The following IL21R variants were observed in gnomAD, a reference collection of about 807,000 sequenced individuals.
IL21R encodes interleukin-21 receptor.
Under a neutral mutation model 41.3 loss-of-function variants are expected in IL21R, and 14 were observed. That is an observed-to-expected ratio of 0.34 (90% CI 0.22 to 0.53). IL21R has a LOEUF of 0.53. IL21R is among the 20% of genes least tolerant of loss of function. The probability of loss-of-function intolerance (pLI) is 0.94; values close to 1 mark genes in which losing one functional copy is unlikely to be tolerated. For missense variants in IL21R, 588 were observed against 681.6 expected (o/e 0.86, Z 1.53); for synonymous variants, 286 against 287.6 (o/e 0.99, Z 0.05).
chr16:27,435,042 C>T (rs1384134848), intron 3 of IL21R, among the ~76,000 whole-genome samples: 1 of 152,152 alleles, frequency 6.6e-6, no homozygotes, highest in African/African-American at 2.4e-5. Context: ...GAAGGAGGAT[C>T]ACTTGAGCCC....
At chr16:27,439,325 T>C (rs2087332732) in intron 4 of IL21R, among the ~76,000 whole-genome samples, 1 of 151,210 alleles carries the variant, frequency 6.6e-6, no homozygotes, top group Admixed American at 6.6e-5. Context: ...CTCTCTCTCT[T>C]GCTCTCTCTC....
chr16:27,430,105 C>T lies in IL21R; in HGVS notation c.34C>T (p.Leu12=). 6.2e-7 allele frequency: 1 copy of T among 1,604,856 alleles called. No homozygotes were observed. The highest frequency in any genetic ancestry group is 8.5e-7 in the Non-Finnish European group (1 of 1,179,778). The part of the protein sequence containing the change: ...PRGWAAPLLL[L]LLQGGWGCPD... The stretch of plus-strand genomic sequence containing the variant: ...TGGCTGGGCCGCCCCCTTGCTCCTG[C>T]TGCTGCTCCAGGGAGGTAAGTGGCT... The change falls in exon 2 of 9, where the codon CTG becomes TTG. Residue 12 remains leucine, a synonymous_variant. Transcript: ENST00000337929.
intron 2 of IL21R, 44 bp from the exon 3 acceptor site, chr16:27,434,303 C>A: frequency 7.6e-7 from 1 of 1,311,518 alleles, no homozygotes; most frequent in Non-Finnish European, 1.1e-6. Flanking sequence ...TCTGCAGTCC[C>A]AAGCCACCCC....
intron 1 of IL21R, chr16:27,402,995 GA>G: frequency 2.4e-6 from 1 of 414,612 alleles, no homozygotes; most frequent in Non-Finnish European, 4.9e-6. Context: ...AGCCTGATGG[GA>G]CCCATTCTGT....
chr16:27,443,045 G>A lies in IL21R; in HGVS notation c.436G>A (p.Ala146Thr), dbSNP rs771092403. 1.9e-6 allele frequency: 3 copies of A among 1,614,034 alleles called. No individual in the cohort carries two copies. Among genetic ancestry groups the A allele is most frequent in the Non-Finnish European group, 2.5e-6 (3 of 1,179,944 alleles). Residue 146 changes from alanine to threonine, a missense_variant, in exon 5 of 9, where the codon GCC (alanine) becomes ACC (threonine). Coordinates refer to ENST00000337929, the MANE Select transcript of IL21R (RefSeq NM_181078.3). ...CTGGCGCTCAGATTACGAAGACCCT[G>A]CCTTCTACATGCTGAAGGGCAAGCT... ...ISWRSDYEDP[A>T]FYMLKGKLQY...
rs117123151 is a variant in IL21R, at chr16:27,449,502, C to T, written c.*219C>T. ...TCTTAGGTGCGCAGTGGCATGTCCA[C>T]GTGTGTGTGTGATTGCACGTGCCTG... On this transcript the variant is annotated 3_prime_UTR_variant, in exon 9 of 9. Transcript: ENST00000337929. 9,883 of 580,176 alleles carry T rather than the reference C, an allele frequency of 0.017. 124 individuals are homozygous for T. Among genetic ancestry groups the T allele is most frequent in the Non-Finnish European group, 0.024 (7,964 of 330,910 alleles). 35.9% of individuals were successfully genotyped at this position (580,176 alleles called of 1,614,324 possible).
chr16:27,444,006 G>A (rs2087434884), intron 5 of IL21R: 1 of 152,010 alleles, frequency 6.6e-6, no homozygotes. Context: ...CCATACTTTA[G>A]AAAGTCCCCA....
chr16:27,433,863 C>T (rs2087218041), intron 2 of IL21R, among the ~76,000 whole-genome samples: 1 of 152,086 alleles, frequency 6.6e-6, no homozygotes, highest in African/African-American at 2.4e-5. Context: ...TCTGTAGAGC[C>T]GAGTCCTCTT....
chr16:27,408,054 C>T (rs1016529750), intron 1 of IL21R, among the ~76,000 whole-genome samples: 34 of 152,316 alleles, frequency 2.2e-4, no homozygotes, highest in Admixed American at 1.2e-3. Context: ...TGAGCACCCA[C>T]TGTAGGCACT....
chr16:27,403,778 C>T (rs573490637), intron 1 of IL21R, among the ~76,000 whole-genome samples: 1 of 152,296 alleles, frequency 6.6e-6, no homozygotes, highest in East Asian at 1.9e-4. Flanking sequence ...GGGGGAGCGA[C>T]ACACTCAGGC....
At chr16:27,445,601 G>A (rs1439793017) in intron 7 of IL21R, among the ~76,000 whole-genome samples, 2 of 152,216 alleles carry the variant, frequency 1.3e-5, no homozygotes, top group African/African-American at 4.8e-5. Context: ...AGGGACCTCA[G>A]CTGTGATCTT....
In IL21R at chr16:27,418,225, G is replaced by A. The variant is rs576066468; in HGVS notation, c.-16-11831G>A. Among the ~76,000 whole-genome samples the A allele has an allele frequency of 4.1e-3, 611 of 147,954 alleles. 1 individual carries two copies. The highest frequency in any genetic ancestry group is 5.9e-3 in the Non-Finnish European group (393 of 67,122). On this transcript the variant is annotated intron_variant, in intron 1 of 8. Coordinates refer to ENST00000337929, the MANE Select transcript of IL21R (RefSeq NM_181078.3). ...GCTGGGACTACAGGCGCCTGCCACT[G>A]CGCCCGGCTAATTTTTTGTATTTTT...
chr16:27,435,907 T>C (rs2087261516), intron 3 of IL21R, among the ~76,000 whole-genome samples: 1 of 152,138 alleles, frequency 6.6e-6, no homozygotes, highest in Non-Finnish European at 1.5e-5. Flanking sequence ...TATCTGGGAT[T>C]GCATCCAGGT....
chr16:27,448,858 G>A lies in IL21R; in HGVS notation c.1192G>A (p.Gly398Ser), dbSNP rs758246145. Reference sequence around the variant, plus strand: ...CTGGCCCTGCAGCTGTGAGGATGACGGCTACCCAGCCCTGGACCTGGATGC... The same window carrying A: ...CTGGCCCTGCAGCTGTGAGGATGACAGCTACCCAGCCCTGGACCTGGATGC... ...CTWPCSCEDDGYPALDLDAGL... is the reference protein window; with the variant it reads ...CTWPCSCEDDSYPALDLDAGL... Residue 398 changes from glycine to serine, a missense_variant, in exon 9 of 9, where the codon GGC becomes AGC. Transcript: ENST00000337929. 9 of 1,612,862 alleles carry A rather than the reference G, an allele frequency of 5.6e-6. No individual in the cohort carries two copies. The Admixed American group carries it at 6.7e-5, about 12-fold the overall frequency.
chr16:27,445,193 GA>G lies in IL21R; in HGVS notation c.704del (p.Asn235ThrfsTer12), dbSNP rs775809607. ...TQSEELKEGWNPHLLLLLLLV... is the reference protein window; with the variant it reads ...TQSEELKEGWXPHLLLLLLLV... ...CCTTCCCAGAGTTAAAGGAAGGCTG[GA>G]ACCCTCACCTGCTGCTTCTCCTCCT... On this transcript the variant is annotated frameshift_variant, in exon 7 of 9. Coordinates refer to ENST00000337929, the MANE Select transcript of IL21R (RefSeq NM_181078.3). LOFTEE classifies it high-confidence loss of function. The G allele has an allele frequency of 6.2e-7, 1 of 1,613,800 alleles. No homozygotes were observed.
rs1654087285 is a variant in IL21R at position 27,437,470 on chromosome 16, G to T, written c.153-18G>T. 6.2e-7 allele frequency: 1 copy of T among 1,609,774 alleles called. No individual in the cohort carries two copies. Among genetic ancestry groups the T allele is most frequent in the African/African-American group, 1.3e-5 (1 of 74,860 alleles). On this transcript the variant is annotated intron_variant, in intron 3 of 8. Coordinates refer to ENST00000337929, the MANE Select transcript of IL21R (RefSeq NM_181078.3). ...TGCCCCTGGCTTCCAGCCATGACCG[G>T]CTGCTTTGTCCTTGAAGGCAAGACC...
intron 1 of IL21R, among the ~76,000 whole-genome samples, chr16:27,416,928 C>T (rs2086899768): frequency 2.6e-5 from 4 of 152,158 alleles, no homozygotes; most frequent in Admixed American, 2.6e-4. Flanking sequence ...TAAAGTTCAT[C>T]CATTTTGTAG....
rs1445339346 is a variant in IL21R at position 27,448,560 on chromosome 16, C to T, written c.894C>T (p.Gly298=). The change falls in exon 9 of 9, where the codon GGC becomes GGT. Residue 298 remains glycine (G), a synonymous_variant. Coordinates refer to ENST00000337929, the MANE Select transcript of IL21R (RefSeq NM_181078.3). ...FKKWVGAPFT[G]SSLELGPWSP... is the part of the protein sequence containing the mutation. ...AATGGGTGGGTGCACCCTTCACTGG[C>T]TCCAGCCTGGAGCTGGGACCCTGGA... 1.2e-6 allele frequency: 2 copies of T among 1,609,312 alleles called. No homozygotes were observed. The highest frequency in any genetic ancestry group is 2.2e-5 in the East Asian group (1 of 44,840).
At chr16:27,446,247 G>A (rs1275870109) in intron 8 of IL21R, among the ~76,000 whole-genome samples, 159 bp downstream of exon 8, 2 of 152,166 alleles carry the variant, frequency 1.3e-5, no homozygotes, top group Admixed American at 1.3e-4. Flanking sequence ...CATGTGCAAA[G>A]TGTAGACAGT....
Sources: allele counts gnomAD v4.1 joint callset (sites outside exome capture counted in the v4.1 genomes callset), GRCh38; gene constraint gnomAD v4.1.1; transcripts MANE v1.5; gene names NCBI Gene and HGNC (gene_info 2026-07-23, HGNC 2026-07-21).